The following ARHGAP27 variants were observed in gnomAD, a reference collection of about 807,000 sequenced individuals.
ARHGAP27 encodes Rho GTPase activating protein 27.
In ARHGAP27, 53 loss-of-function variants were observed where a neutral mutation model predicts 102.0. The observed-to-expected ratio is 0.52, with a 90% CI of 0.42 to 0.65. ARHGAP27 has a LOEUF of 0.65. Ranked by LOEUF, ARHGAP27 falls within the 30% of genes least tolerant of loss-of-function variation. ARHGAP27 has a pLI of 0.00. For missense variants in ARHGAP27, 1,117 were observed against 1,256.2 expected, an observed-to-expected ratio of 0.89 and a Z score of 1.68; for synonymous variants, 525 against 542.8, an observed-to-expected ratio of 0.97 and a Z score of 0.46.
intron 4 of ARHGAP27, among the ~76,000 whole-genome samples, chr17:45,416,543 G>GT (rs1182029169): frequency 6.8e-6 from 1 of 147,966 alleles, no homozygotes; most frequent in Non-Finnish European, 1.5e-5. Context: ...ATAAGTAACT[G>GT]TATTCTTTTT....
rs1342991893 is a variant in ARHGAP27, at chr17:45,396,198, G to A, written c.2251+9C>T. ...AGGCCCTGGGGCAGGGGTTGGGGACGGGCCTCACCGTGGTCCACCTTATAG... is the reference window on the plus strand; with the variant it reads ...AGGCCCTGGGGCAGGGGTTGGGGACAGGCCTCACCGTGGTCCACCTTATAG... On this transcript the variant is annotated intron_variant, in intron 17 of 19. Transcript: ENST00000685559. 6 of 1,605,978 alleles carry A rather than the reference G, an allele frequency of 3.7e-6. No individual in the cohort carries two copies. Among genetic ancestry groups the A allele is most frequent in the Admixed American group, 1.7e-5 (1 of 59,314 alleles).
At chr17:45,400,911 G>GGTA (rs2046358963) in intron 12 of ARHGAP27, among the ~76,000 whole-genome samples, 1 of 122,612 alleles carries the variant, frequency 8.2e-6, no homozygotes, top group African/African-American at 3.1e-5. Context: ...TGAGACTCTG[G>GGTA]ATAATAATCA....
chr17:45,403,702 G>A lies in ARHGAP27; in HGVS notation c.1555C>T (p.His519Tyr). Reference protein sequence around the residue: ...ADKGKRLRKKHWSASWTVLEG... With the variant: ...ADKGKRLRKKYWSASWTVLEG... ...AGCACAGTCCAGGAGGCACTCCAGT[G>A]CTTCTTCCTAGGTGGGGGTGGGGAA... Residue 519 changes from histidine (H) to tyrosine (Y), a missense_variant, in exon 11 of 20, where the codon CAC becomes TAC. Coordinates refer to ENST00000685559, the MANE Select transcript of ARHGAP27 (RefSeq NM_001282290.2). The A allele has an allele frequency of 6.2e-7, 1 of 1,612,706 alleles. No individual in the cohort carries two copies. Among genetic ancestry groups the A allele is most frequent in the Non-Finnish European group, 8.5e-7 (1 of 1,179,444 alleles).
At chr17:45,411,061 A>G (rs1306083487) in intron 4 of ARHGAP27, among the ~76,000 whole-genome samples, 1 of 152,056 alleles carries the variant, frequency 6.6e-6, no homozygotes, top group Admixed American at 6.5e-5. Context: ...GTGTCCACAT[A>G]CGTGTACAAG....
intron 4 of ARHGAP27, among the ~76,000 whole-genome samples, chr17:45,413,623 G>T (rs903798305): frequency 4.6e-5 from 7 of 152,072 alleles, no homozygotes; most frequent in Admixed American, 2.6e-4. Context: ...TTCGGGTTTC[G>T]ATTGGGTGCC....
intron 5 of ARHGAP27, 135 bp downstream of exon 5, chr17:45,405,541 G>C: frequency 1.6e-6 from 2 of 1,242,966 alleles, no homozygotes; most frequent in South Asian, 3.1e-5. Context: ...CAGGAGAAGG[G>C]GTCAAAGGCT....
At chr17:45,410,934 C>A (rs2047842029) in intron 4 of ARHGAP27, among the ~76,000 whole-genome samples, 1 of 152,096 alleles carries the variant, frequency 6.6e-6, no homozygotes. Flanking sequence ...AGGAAGGATT[C>A]TGACCACATC....
In ARHGAP27 at chr17:45,402,624, C is replaced by T. The variant is rs866376002; in HGVS notation, c.1743+90G>A. On this transcript the variant is annotated intron_variant, in intron 12 of 19. Transcript: ENST00000685559. ...CTCATAGGGAATTAAGGGTCAAAAA[C>T]CCCCAGGTCATTTCCAGGTCAATAG... 5.0e-5 allele frequency: 62 copies of T among 1,251,928 alleles called. No individual in the cohort carries two copies. In the Middle Eastern group the frequency reaches 5.6e-4, roughly 11 times the overall value. The allele number at this position is 1,251,928 out of a possible 1,614,324, so 77.6% of individuals were successfully genotyped here.
rs2049711710 is a variant in ARHGAP27, at chr17:45,427,280, C to T, written c.657+2343G>A. On this transcript the variant is annotated intron_variant, in intron 4 of 19. Transcript: ENST00000685559. The surrounding 1 kb of genome is among the most constrained non-coding windows in gnomAD (Gnocchi z 4.5). ...CTCACAGCGGCTGCAGGATAATGTG[C>T]ACATTCCTGGCAAGGGCCCACGAGG... 6.6e-6 allele frequency among the ~76,000 whole-genome samples: 1 copy of T among 152,224 alleles called. No individual in the cohort carries two copies.
At chr17:45,401,965 T>C (rs1210759334) in intron 12 of ARHGAP27, among the ~76,000 whole-genome samples, 1 of 152,248 alleles carries the variant, frequency 6.6e-6, no homozygotes, top group Non-Finnish European at 1.5e-5. Context: ...TCTGTTGTGA[T>C]CTGCCTCAAA....
chr17:45,405,919 G>C lies in ARHGAP27; in HGVS notation c.822C>G (p.Thr274=). The change falls in exon 5 of 20, where the codon ACC becomes ACG. Residue 274 remains threonine (T), a synonymous_variant. Coordinates refer to ENST00000685559, the MANE Select transcript of ARHGAP27 (RefSeq NM_001282290.2). ...CGGCAGCCTCAAAGGGCGACTCCCAGGTGGTAACTCCCGTGTCTGGGTTGT... is the reference window on the plus strand; with the variant it reads ...CGGCAGCCTCAAAGGGCGACTCCCACGTGGTAACTCCCGTGTCTGGGTTGT... ...YYYNPDTGVT[T]WESPFEAAEG... 6.5e-7 allele frequency: 1 copy of C among 1,535,964 alleles called. No homozygotes were observed. Among genetic ancestry groups the C allele is most frequent in the Non-Finnish European group, 8.7e-7 (1 of 1,146,822 alleles).
chr17:45,432,010 C>T (rs2050089890), intron 2 of ARHGAP27, among the ~76,000 whole-genome samples: 1 of 134,792 alleles, frequency 7.4e-6, no homozygotes, highest in African/African-American at 2.7e-5. Context: ...TATTCCCCGC[C>T]CCCCCACCCC....
chr17:45,417,803 C>T (rs1347532477), intron 4 of ARHGAP27, among the ~76,000 whole-genome samples: 1 of 151,560 alleles, frequency 6.6e-6, no homozygotes, highest in African/African-American at 2.4e-5. Flanking sequence ...CCTGTAATCC[C>T]AGCACTTTGG....
At chr17:45,400,923 A>G (rs1005370371) in intron 12 of ARHGAP27, among the ~76,000 whole-genome samples, 4 of 150,712 alleles carry the variant, frequency 2.7e-5, no homozygotes, top group Non-Finnish European at 5.9e-5. Context: ...TAATAATCAT[A>G]ATCATAATCA....
intron 2 of ARHGAP27, among the ~76,000 whole-genome samples, 164 bp from the exon 3 acceptor site, chr17:45,431,916 G>C (rs1324999125): frequency 1.3e-5 from 2 of 152,176 alleles, no homozygotes; most frequent in East Asian, 3.9e-4. Context: ...CCTGGAGCCG[G>C]GACTGCTGCG....
chr17:45,429,926 G>T lies in ARHGAP27; in HGVS notation c.354C>A (p.Ser118Arg), dbSNP rs1404901715. ...CGCGTTGCGCAGGGCCGCACAGGGAGCTGGCTCGGCCTCCGGACTCCTCGG... is the reference window on the plus strand; with the variant it reads ...CGCGTTGCGCAGGGCCGCACAGGGATCTGGCTCGGCCTCCGGACTCCTCGG... ...GAPEESGGRASSLCGPAQRGA... is the reference protein window; with the variant it reads ...GAPEESGGRARSLCGPAQRGA... The change falls in exon 4 of 20, where the codon AGC becomes AGA. Residue 118 changes from serine (S) to arginine (R), a missense_variant. Ser to Arg is a moderately radical substitution (Grantham distance 110). This residue lies in a region of ARHGAP27 where 610 missense variants were observed against 716.4 expected (regional missense o/e 0.85). Transcript: ENST00000685559. 1.2e-4 allele frequency: 139 copies of T among 1,137,856 alleles called. No homozygotes were observed. Among genetic ancestry groups the T allele is most frequent in the Non-Finnish European group, 1.4e-4 (132 of 930,074 alleles). 70.5% of individuals were successfully genotyped at this position (1,137,856 alleles called of 1,614,324 possible).
chr17:45,404,518 G>T lies in ARHGAP27; in HGVS notation c.1340C>A (p.Pro447His), dbSNP rs1046460782. Residue 447 changes from proline to histidine, a missense_variant, in exon 8 of 20, where the codon CCT (proline) becomes CAT (histidine). Pro to His is a moderately conservative substitution (Grantham distance 77). Transcript: ENST00000685559. ...GGATTTATGGATGCTTCGAGGGGCA[G>T]GGACAGGGACCTGGGGAGAAAGACA... is the stretch of plus-strand genomic sequence containing the variant. ...VRWELPQVPVPAPRSIHKSSQ... is the reference protein window; with the variant it reads ...VRWELPQVPVHAPRSIHKSSQ... 1 of 1,613,324 alleles carries T rather than the reference G, an allele frequency of 6.2e-7. No individual in the cohort carries two copies. The highest frequency in any genetic ancestry group is 2.2e-5 in the East Asian group (1 of 44,878).
intron 4 of ARHGAP27, among the ~76,000 whole-genome samples, chr17:45,414,871 C>A: frequency 8.9e-6 from 1 of 112,946 alleles, no homozygotes; most frequent in Non-Finnish European, 1.7e-5. Context: ...AGCTGGCCAA[C>A]ATGGTGAAAC....
Position 45,395,575 on chromosome 17 carries a change from C to G in ARHGAP27, c.2551G>C (p.Gly851Arg), listed in dbSNP as rs142471183. The change falls in exon 20 of 20, where the codon GGG (glycine) becomes CGG (arginine). Residue 851 changes from glycine (G) to arginine (R), a missense_variant. Coordinates refer to ENST00000685559, the MANE Select transcript of ARHGAP27 (RefSeq NM_001282290.2). ...MSVQSVAIVFGPTLLRPEVEE... is the reference protein window; with the variant it reads ...MSVQSVAIVFRPTLLRPEVEE... ...ACCTCGGGCCGCAGCAGCGTGGGCCCGAACACAATGGCCACGCTCTGCACC... is the reference window on the plus strand; with the variant it reads ...ACCTCGGGCCGCAGCAGCGTGGGCCGGAACACAATGGCCACGCTCTGCACC... 3.1e-6 allele frequency: 5 copies of G among 1,605,820 alleles called. No individual in the cohort carries two copies. The highest frequency in any genetic ancestry group is 3.4e-6 in the Non-Finnish European group (4 of 1,176,576).
Sources: allele counts gnomAD v4.1 joint callset (sites outside exome capture counted in the v4.1 genomes callset), GRCh38; gene constraint gnomAD v4.1.1; regional missense constraint gnomAD v4.1.1; non-coding constraint Gnocchi (gnomAD v3.1); transcripts MANE v1.5; gene names NCBI Gene and HGNC (gene_info 2026-07-23, HGNC 2026-07-21).